Variants in PAG1 observed in about 807,000 individuals in gnomAD.
PAG1 encodes the protein phosphoprotein membrane anchor with glycosphingolipid microdomains 1.
A neutral mutation model predicts 31.7 loss-of-function variants in PAG1; 23 were observed. The observed-to-expected ratio is 0.73, with a 90% confidence interval of 0.52 to 1.03. The LOEUF is 1.03. Ranked by LOEUF, PAG1 falls within the 50% of genes least tolerant of loss-of-function variation. The pLI is 0.00. For synonymous variants in PAG1, 214 were observed against 210.3 expected (o/e 1.02, Z -0.15); for missense variants, 473 against 540.7 (o/e 0.87, Z 1.24).
Position 80,984,833 on chromosome 8 carries a change from C to G in PAG1, c.819G>C (p.Glu273Asp), listed in dbSNP as rs562955339. The G allele has an allele frequency of 5.0e-6, 8 of 1,614,172 alleles. No individual in the cohort carries two copies. In the South Asian group the frequency reaches 8.8e-5, roughly 18 times the overall value. ...KLLDENENLQ[E>D]KEGGEAEESA... The stretch of plus-strand genomic sequence containing the variant: ...TCTCTTCCGCCTCTCCCCCTTCCTT[C>G]TCCTGAAGGTTTTCATTCTCGTCCA... Residue 273 changes from glutamate (E) to aspartate (D), a missense_variant, in exon 7 of 9, where the codon GAG becomes GAC. Coordinates refer to ENST00000220597, the MANE Select transcript of PAG1 (RefSeq NM_018440.4).
chr8:80,996,560 G>C (rs1356025712), intron 3 of PAG1, among the ~76,000 whole-genome samples: 1 of 152,174 alleles, frequency 6.6e-6, no homozygotes, highest in Non-Finnish European at 1.5e-5. Context: ...CACAGGTCTA[G>C]ATGGACTTCC....
At chr8:81,054,081 G>A (rs570880293) in intron 2 of PAG1, among the ~76,000 whole-genome samples, 1 of 152,230 alleles carries the variant, frequency 6.6e-6, no homozygotes, top group South Asian at 2.1e-4. Flanking sequence ...GCAGGTCATA[G>A]TTTGCCAACC....
intron 1 of PAG1, among the ~76,000 whole-genome samples, chr8:81,100,251 T>C (rs1010644697): frequency 6.6e-6 from 1 of 152,252 alleles, no homozygotes; most frequent in African/African-American, 2.4e-5. Flanking sequence ...AACCATGTCA[T>C]AGTCTTCATT....
At chr8:81,013,612 C>T (rs1276336238) in intron 3 of PAG1, among the ~76,000 whole-genome samples, 2 of 152,206 alleles carry the variant, frequency 1.3e-5, no homozygotes, top group Admixed American at 6.5e-5. Flanking sequence ...CAGAGTCTTG[C>T]TTTGTCACCC....
At chr8:80,981,604 C>T (rs961137171) in intron 7 of PAG1, among the ~76,000 whole-genome samples, 1 of 152,026 alleles carries the variant, frequency 6.6e-6, no homozygotes, top group African/African-American at 2.4e-5. Flanking sequence ...AACTCTTAGC[C>T]CCACCCTCAG....
chr8:81,102,332 A>G (rs950658124), intron 1 of PAG1, among the ~76,000 whole-genome samples: 2 of 152,164 alleles, frequency 1.3e-5, no homozygotes, highest in Non-Finnish European at 1.5e-5. Context: ...AAATTTATAA[A>G]TGTATTGTTA....
At chr8:81,005,390 A>C (rs570877051) in intron 3 of PAG1, among the ~76,000 whole-genome samples, 1 of 152,316 alleles carries the variant, frequency 6.6e-6, no homozygotes, top group East Asian at 1.9e-4. Flanking sequence ...TTAAGTCAAC[A>C]CAGGTGGGGG....
chr8:81,074,216 A>T (rs141073543), intron 1 of PAG1, among the ~76,000 whole-genome samples: 10 of 152,202 alleles, frequency 6.6e-5, no homozygotes, highest in Admixed American at 3.3e-4. Context: ...GGGACCTGTG[A>T]GCACAGTGAT....
chr8:80,982,827 C>T (rs140240094), intron 7 of PAG1, among the ~76,000 whole-genome samples: 17 of 152,286 alleles, frequency 1.1e-4, no homozygotes, highest in African/African-American at 2.6e-4. Context: ...AGGATCCATC[C>T]GCAAATCTCT....
intron 8 of PAG1, among the ~76,000 whole-genome samples, chr8:80,977,659 T>C (rs770762309): frequency 2.6e-5 from 4 of 152,188 alleles, no homozygotes; most frequent in Admixed American, 1.3e-4. Context: ...GAAAACTCAT[T>C]CTCGCTTGCA....
intron 3 of PAG1, among the ~76,000 whole-genome samples, chr8:80,994,190 T>C (rs902033902): frequency 7.2e-5 from 11 of 152,252 alleles, no homozygotes; most frequent in Non-Finnish European, 1.3e-4. Flanking sequence ...TTAAGGTCAA[T>C]GTAACTAATG....
chr8:81,034,375 A>G (rs1808428518), intron 2 of PAG1, among the ~76,000 whole-genome samples: 1 of 152,246 alleles, frequency 6.6e-6, no homozygotes, highest in South Asian at 2.1e-4. Flanking sequence ...TCTCACTCAC[A>G]GTCCCTGAAG....
At chr8:81,099,656 C>T (rs1361906105) in intron 1 of PAG1, among the ~76,000 whole-genome samples, 1 of 152,094 alleles carries the variant, frequency 6.6e-6, no homozygotes, top group African/African-American at 2.4e-5. Context: ...TATATAAGGA[C>T]AGAAAGTGAG....
chr8:81,027,340 A>AT (rs1808299606), intron 3 of PAG1, among the ~76,000 whole-genome samples: 1 of 152,230 alleles, frequency 6.6e-6, no homozygotes, highest in African/African-American at 2.4e-5. Flanking sequence ...CAAATGCATC[A>AT]TCAAAAAGAT....
chr8:80,978,142 A>C (rs1458866968), intron 8 of PAG1, among the ~76,000 whole-genome samples: 1 of 152,146 alleles, frequency 6.6e-6, no homozygotes, highest in Non-Finnish European at 1.5e-5. Flanking sequence ...AGAACTTTTC[A>C]TTACAGGCTG....
At chr8:81,089,982 T>C (rs1240326203) in intron 1 of PAG1, among the ~76,000 whole-genome samples, 2 of 152,324 alleles carry the variant, frequency 1.3e-5, no homozygotes, top group African/African-American at 2.4e-5. Context: ...CATATATCTT[T>C]CCACTTACTC....
chr8:81,023,149 TA>T (rs1808217876), intron 3 of PAG1, among the ~76,000 whole-genome samples: 1 of 152,158 alleles, frequency 6.6e-6, no homozygotes, highest in Non-Finnish European at 1.5e-5. Flanking sequence ...TAATTATTAT[TA>T]AAGGTTACAT....
intron 3 of PAG1, among the ~76,000 whole-genome samples, chr8:81,029,449 C>T (rs1257735939): frequency 6.6e-6 from 1 of 151,870 alleles, no homozygotes; most frequent in Non-Finnish European, 1.5e-5. Context: ...ATGAAGCATT[C>T]CTCACAAACC....
At chr8:81,103,964 A>C (rs940671515) in intron 1 of PAG1, among the ~76,000 whole-genome samples, 2 of 152,242 alleles carry the variant, frequency 1.3e-5, no homozygotes, top group African/African-American at 4.8e-5. Context: ...GGAAAAGAAA[A>C]ATAAGAAATG....
Sources: allele counts gnomAD v4.1 joint callset (sites outside exome capture counted in the v4.1 genomes callset), GRCh38; gene constraint gnomAD v4.1.1; transcripts MANE v1.5; gene names NCBI Gene and HGNC (gene_info 2026-07-23, HGNC 2026-07-21).